Variants in ZBTB7C observed in about 807,000 individuals in gnomAD.
ZBTB7C encodes the protein zinc finger and BTB domain containing 7C.
In ZBTB7C, 8 loss-of-function variants were observed where a neutral mutation model predicts 25.7. That is an observed-to-expected ratio of 0.31 (90% CI 0.18 to 0.56). The LOEUF is 0.56. ZBTB7C is among the 20% of genes least tolerant of loss of function. The probability of loss-of-function intolerance (pLI) is 0.91; values close to 1 mark genes in which losing one functional copy is unlikely to be tolerated. For synonymous variants in ZBTB7C, 394 were observed against 369.0 expected (o/e 1.07, Z -0.78); for missense variants, 824 against 855.2 (o/e 0.96, Z 0.46).
intron 2 of ZBTB7C, among the ~76,000 whole-genome samples, chr18:48,189,091 T>C (rs1431914468): frequency 6.6e-6 from 1 of 152,250 alleles, no homozygotes; most frequent in East Asian, 1.9e-4. Flanking sequence ...GAGCACACCA[T>C]GGTTGCCGGA....
chr18:48,179,051 C>G (rs2041787955), intron 3 of ZBTB7C, among the ~76,000 whole-genome samples: 1 of 152,226 alleles, frequency 6.6e-6, no homozygotes. Flanking sequence ...AAAGATCAAA[C>G]TGCCTTGCCG....
In ZBTB7C at chr18:48,229,552, A is replaced by T. The variant is rs558969627; in HGVS notation, c.-78-43557T>A. On this transcript the variant is annotated intron_variant, in intron 2 of 4. Transcript: ENST00000590800. ...AGAAGTTCCCTAAAAGAGGGTATGA[A>T]AAACATTATATTTCTTTTAAAGTTG... 1.4e-3 allele frequency among the ~76,000 whole-genome samples: 219 copies of T among 152,348 alleles called. 3 individuals carry two copies. Among genetic ancestry groups the T allele is most frequent in the Non-Finnish European group, 2.7e-3 (183 of 68,026 alleles).
intron 3 of ZBTB7C, among the ~76,000 whole-genome samples, chr18:48,094,811 T>C (rs1300577371): frequency 6.6e-6 from 1 of 152,152 alleles, no homozygotes; most frequent in East Asian, 1.9e-4. Flanking sequence ...TGACCTCATA[T>C]CTGTTTCATT....
chr18:48,301,216 G>A (rs2045535358), intron 2 of ZBTB7C, among the ~76,000 whole-genome samples: 1 of 152,170 alleles, frequency 6.6e-6, no homozygotes, highest in Non-Finnish European at 1.5e-5. Flanking sequence ...AAAAAGGCAT[G>A]GTCTGTAATC....
Position 48,069,915 on chromosome 18 carries a change from G to A in ZBTB7C, c.-16-28792C>T, listed in dbSNP as rs193040937. Among the ~76,000 whole-genome samples, 29 of 152,286 alleles carry A rather than the reference G, an allele frequency of 1.9e-4. No homozygotes were observed. The East Asian group carries it at 2.5e-3, about 13-fold the overall frequency. ...GGGAGTCAGGCCTGGCCCCTGGAGC[G>A]GGAGGAGAGGGAAGGGCTAGGCTCT... On this transcript the variant is annotated intron_variant, in intron 3 of 4. Transcript: ENST00000590800.
intron 2 of ZBTB7C, among the ~76,000 whole-genome samples, chr18:48,216,520 T>G (rs1261640946): frequency 6.6e-6 from 1 of 152,094 alleles, no homozygotes; most frequent in Non-Finnish European, 1.5e-5. Flanking sequence ...GGGTGCTCAC[T>G]CCCTGGGGGG....
intron 2 of ZBTB7C, among the ~76,000 whole-genome samples, chr18:48,217,207 G>C (rs2042844005): frequency 6.6e-6 from 1 of 152,172 alleles, no homozygotes; most frequent in Admixed American, 6.5e-5. Context: ...ACTCAACTCA[G>C]TATGTGTGAT....
At chr18:48,288,929 A>G (rs1046796306) in intron 2 of ZBTB7C, among the ~76,000 whole-genome samples, 2 of 152,240 alleles carry the variant, frequency 1.3e-5, no homozygotes, top group Admixed American at 1.3e-4. Context: ...CAATTATATT[A>G]TTATACACCT....
At chr18:48,193,073 A>G (rs1264413286) in intron 2 of ZBTB7C, among the ~76,000 whole-genome samples, 1 of 152,150 alleles carries the variant, frequency 6.6e-6, no homozygotes, top group African/African-American at 2.4e-5. Flanking sequence ...TTGGAGGAGG[A>G]CTGTGAGACC....
At chr18:48,257,376 T>C (rs1349417117) in intron 2 of ZBTB7C, among the ~76,000 whole-genome samples, 2 of 152,148 alleles carry the variant, frequency 1.3e-5, no homozygotes, top group Non-Finnish European at 2.9e-5. Flanking sequence ...AGAGATACCC[T>C]TTAAAGCCAT....
intron 3 of ZBTB7C, among the ~76,000 whole-genome samples, chr18:48,058,983 T>C (rs61610858): frequency 0.17 from 25,695 of 152,186 alleles, 3,856 homozygotes; most frequent in African/African-American, 0.4. Flanking sequence ...CCTTCAGGAC[T>C]GAAACCACAT....
chr18:48,400,618 T>C (rs895209355), intron 1 of ZBTB7C, among the ~76,000 whole-genome samples: 1 of 152,206 alleles, frequency 6.6e-6, no homozygotes, highest in East Asian at 1.9e-4. Context: ...ACCTGTGTCC[T>C]GGGTTCACTG....
intron 2 of ZBTB7C, among the ~76,000 whole-genome samples, chr18:48,193,369 G>C (rs919277679): frequency 2.0e-5 from 3 of 152,198 alleles, no homozygotes; most frequent in South Asian, 4.2e-4. Flanking sequence ...ACTCTGCCCA[G>C]CCTTTTCCTA....
At chr18:48,372,674 G>A (rs1598983167) in intron 1 of ZBTB7C, among the ~76,000 whole-genome samples, 1 of 152,208 alleles carries the variant, frequency 6.6e-6, no homozygotes, top group East Asian at 1.9e-4. Context: ...CCTCAACATG[G>A]CCATGGTCAG....
At chr18:48,230,097 T>A (rs1220348725) in intron 2 of ZBTB7C, among the ~76,000 whole-genome samples, 1 of 152,236 alleles carries the variant, frequency 6.6e-6, no homozygotes, top group African/African-American at 2.4e-5. Context: ...CCCAACCCCA[T>A]AATTAAAATC....
At chr18:48,379,243 C>A (rs986649566) in intron 1 of ZBTB7C, among the ~76,000 whole-genome samples, 2 of 152,200 alleles carry the variant, frequency 1.3e-5, no homozygotes, top group African/African-American at 4.8e-5. Flanking sequence ...GCTAATACCA[C>A]CCCCTCTTGA....
intron 1 of ZBTB7C, among the ~76,000 whole-genome samples, chr18:48,402,018 T>A (rs1412568168): frequency 1.3e-5 from 2 of 152,124 alleles, no homozygotes; most frequent in Non-Finnish European, 2.9e-5. Context: ...TTGACCTCCA[T>A]GAACTTAACA....
At chr18:48,279,535 T>C (rs2044768775) in intron 2 of ZBTB7C, among the ~76,000 whole-genome samples, 1 of 152,206 alleles carries the variant, frequency 6.6e-6, no homozygotes. Flanking sequence ...CACAAAGGAC[T>C]GCACGGGGCC....
At chr18:48,263,690 G>A (rs2144526907) in intron 2 of ZBTB7C, among the ~76,000 whole-genome samples, 3 of 131,978 alleles carry the variant, frequency 2.3e-5, no homozygotes, top group South Asian at 5.0e-4. Context: ...CAATAAAGCT[G>A]CTAAAAAAAA....
Sources: allele counts gnomAD v4.1 joint callset (sites outside exome capture counted in the v4.1 genomes callset), GRCh38; gene constraint gnomAD v4.1.1; transcripts MANE v1.5; gene names NCBI Gene and HGNC (gene_info 2026-07-23, HGNC 2026-07-21).